USHBP1: variants seen among roughly 807,000 people sequenced by gnomAD.
USHBP1 encodes the protein USH1 protein network component harmonin binding protein 1, also known as harmonin-binding protein USHBP1.
Under a neutral mutation model 76.2 loss-of-function variants are expected in USHBP1, and 67 were observed. The observed-to-expected ratio is 0.88, with a 90% CI of 0.72 to 1.08. The LOEUF is 1.08. Among genes scored for constraint, USHBP1 ranks in the 50% least tolerant of loss-of-function variants. The pLI is 0.00. For synonymous variants in USHBP1, 322 were observed against 362.2 expected, an observed-to-expected ratio of 0.89 and a Z score of 1.26; for missense variants, 931 against 915.0, an observed-to-expected ratio of 1.02 and a Z score of -0.23.
At chr19:17,254,890 C>T (rs931588794) in intron 10 of USHBP1, among the ~76,000 whole-genome samples, 1 of 151,916 alleles carries the variant, frequency 6.6e-6, no homozygotes, top group Non-Finnish European at 1.5e-5. Context: ...TACAGGAGGT[C>T]GAGGACTTTA....
intron 9 of USHBP1, 57 bp downstream of exon 9, chr19:17,256,414 G>A: frequency 6.2e-7 from 1 of 1,601,056 alleles, no homozygotes; most frequent in Non-Finnish European, 8.5e-7. Flanking sequence ...CCCGACCTCA[G>A]TAAAGGATTT....
chr19:17,252,848 C>T (rs1341462636), intron 10 of USHBP1, among the ~76,000 whole-genome samples: 1 of 151,412 alleles, frequency 6.6e-6, no homozygotes, highest in East Asian at 1.9e-4. Flanking sequence ...GATCGCAGCA[C>T]TGCACTCTAG....
chr19:17,253,278 G>A (rs1257246841), intron 10 of USHBP1, among the ~76,000 whole-genome samples: 1 of 144,356 alleles, frequency 6.9e-6, no homozygotes, highest in East Asian at 2.1e-4. Flanking sequence ...ATCGTGCCCG[G>A]ACAGTAATAA....
chr19:17,264,590 T>G (rs2073730688), intron 1 of USHBP1, 81 bp downstream of exon 1: 6 of 467,014 alleles, frequency 1.3e-5, no homozygotes. Context: ...ACTTTCCTCC[T>G]CTATTTGAGC....
chr19:17,261,072 T>C (rs1472262902), intron 4 of USHBP1, among the ~76,000 whole-genome samples: 1 of 152,132 alleles, frequency 6.6e-6, no homozygotes, highest in Non-Finnish European at 1.5e-5. Flanking sequence ...GCGTCGAGCA[T>C]GCCCCTCCTC....
Position 17,255,273 on chromosome 19 carries a change from C to T in USHBP1, c.1692+112G>A, listed in dbSNP as rs2073603534. 2.4e-6 allele frequency: 3 copies of T among 1,235,760 alleles called. No homozygotes were observed. In the East Asian group the frequency reaches 7.4e-5, roughly 30 times the overall value. The allele number at this position is 1,235,760 out of a possible 1,614,324, so 76.5% of individuals were successfully genotyped here. On this transcript the variant is annotated intron_variant, in intron 10 of 12. Coordinates refer to ENST00000252597, the MANE Select transcript of USHBP1 (RefSeq NM_031941.4). ...CAACATTGCATTCCAGCCTGGGCAA[C>T]AAGAGCCAAACTCCGTCTCAAAAAA...
intron 8 of USHBP1, 122 bp from the exon 9 acceptor site, chr19:17,256,842 C>T: frequency 7.1e-7 from 1 of 1,412,956 alleles, no homozygotes; most frequent in East Asian, 2.3e-5. Flanking sequence ...TCTATGCCAT[C>T]TTTGGTGGTC....
At chr19:17,259,478 G>C (rs1172639945) in intron 6 of USHBP1, 49 bp from the exon 7 acceptor site, 1 of 1,610,804 alleles carries the variant, frequency 6.2e-7, no homozygotes, top group Admixed American at 1.7e-5. Context: ...TTCTAAGGCA[G>C]TCAGGCCTCA....
In USHBP1 at chr19:17,264,344, A is replaced by G. The variant is rs558242797; in HGVS notation, c.-45T>C. On this transcript the variant is annotated 5_prime_UTR_variant, in exon 2 of 13. Coordinates refer to ENST00000252597, the MANE Select transcript of USHBP1 (RefSeq NM_031941.4). Reference sequence around the variant, plus strand: ...CCCTCTGAATGCTTCTCCTTCGTCAACCCCTAAAACCACAGCCTGCCATGA... The same window carrying G: ...CCCTCTGAATGCTTCTCCTTCGTCAGCCCCTAAAACCACAGCCTGCCATGA... The G allele has an allele frequency of 1.8e-5, 28 of 1,560,796 alleles. No individual in the cohort carries two copies. In the South Asian group the frequency reaches 2.9e-4, roughly 16 times the overall value.
chr19:17,255,068 G>A (rs956388425), intron 10 of USHBP1, among the ~76,000 whole-genome samples: 2 of 152,074 alleles, frequency 1.3e-5, no homozygotes, highest in African/African-American at 4.8e-5. Flanking sequence ...TTTGAGGCCA[G>A]GAGTTCGAGA....
chr19:17,264,144 G>C lies in USHBP1; in HGVS notation c.61C>G (p.Leu21Val). ...TCTGAACTCTCAGCCACGGGATCCA[G>C]TTCACCCTGCAAATGACCCCCGGGG... ...RRGRHAPPGE[L>V]DPVAESSEEV... The change falls in exon 3 of 13, where the codon CTG (leucine) becomes GTG (valine). Residue 21 changes from leucine (L) to valine (V), a missense_variant. Transcript: ENST00000252597. 7 of 1,613,526 alleles carry C rather than the reference G, an allele frequency of 4.3e-6. No homozygotes were observed. The highest frequency in any genetic ancestry group is 5.1e-6 in the Non-Finnish European group (6 of 1,179,664).
At chr19:17,252,556 G>A (rs1568322507) in intron 10 of USHBP1, among the ~76,000 whole-genome samples, 1 of 151,880 alleles carries the variant, frequency 6.6e-6, no homozygotes, top group Non-Finnish European at 1.5e-5. Context: ...GTGAAACCCT[G>A]TCTCTACTAA....
At chr19:17,261,999 ATTTTT>A (rs33975731) in intron 4 of USHBP1, among the ~76,000 whole-genome samples, 1 of 124,474 alleles carries the variant, frequency 8.0e-6, no homozygotes. Flanking sequence ...AACCTGGCTG[ATTTTT>A]TTTTTTTTTT....
At chr19:17,261,544 C>G (rs181798901) in intron 4 of USHBP1, among the ~76,000 whole-genome samples, 56 of 151,686 alleles carry the variant, frequency 3.7e-4, no homozygotes, top group African/African-American at 1.3e-3. Flanking sequence ...CCGTGTTAGC[C>G]AGGATGGTCT....
rs34349584 is a variant in USHBP1, at chr19:17,262,763, G to A, written c.431C>T (p.Ser144Phe). 6.2e-7 allele frequency: 1 copy of A among 1,614,218 alleles called. No individual in the cohort carries two copies. Among genetic ancestry groups the A allele is most frequent in the Non-Finnish European group, 8.5e-7 (1 of 1,180,032 alleles). The change falls in exon 4 of 13, where the codon TCT (serine) becomes TTT (phenylalanine). Residue 144 changes from serine to phenylalanine, a missense_variant. Physicochemically the swap from Ser to Phe is radical, Grantham distance 155. Transcript: ENST00000252597. ...TGTGCCTTCGAACTCCATCGGCCCAGAATGGCTGGGGGGCTGGTGGCGCCA... is the reference window on the plus strand; with the variant it reads ...TGTGCCTTCGAACTCCATCGGCCCAAAATGGCTGGGGGGCTGGTGGCGCCA... ...AAWRHQPPSH[S>F]GPMEFEGTSE...
At chr19:17,260,960 T>C (rs1381242634) in intron 4 of USHBP1, among the ~76,000 whole-genome samples, 2 of 152,180 alleles carry the variant, frequency 1.3e-5, no homozygotes, top group South Asian at 2.1e-4. Context: ...TCTCCACTTC[T>C]ACAACCTCCA....
At chr19:17,253,228 A>G (rs1292598464) in intron 10 of USHBP1, among the ~76,000 whole-genome samples, 5 of 151,836 alleles carry the variant, frequency 3.3e-5, no homozygotes, top group African/African-American at 1.2e-4. Flanking sequence ...TCGGCCTCCC[A>G]AAGTGCTAAG....
chr19:17,260,705 G>T (rs2073676394), intron 4 of USHBP1, among the ~76,000 whole-genome samples: 1 of 152,120 alleles, frequency 6.6e-6, no homozygotes, highest in Non-Finnish European at 1.5e-5. Flanking sequence ...TCTCCTCTGA[G>T]CCCTGGACTC....
Position 17,250,129 on chromosome 19 carries a change from C to A in USHBP1, c.*96G>T. Reference sequence around the variant, plus strand: ...TTCCCTCACGCCAAATGTGCCCCAACATGCCAAATCATGCAACATGACATG... The same window carrying A: ...TTCCCTCACGCCAAATGTGCCCCAAAATGCCAAATCATGCAACATGACATG... On this transcript the variant is annotated 3_prime_UTR_variant, in exon 13 of 13. Transcript: ENST00000252597. 2.1e-6 allele frequency: 3 copies of A among 1,426,576 alleles called. No homozygotes were observed. Among genetic ancestry groups the A allele is most frequent in the East Asian group, 5.1e-5 (2 of 39,330 alleles). The allele number at this position is 1,426,576 out of a possible 1,614,324, so 88.4% of individuals were successfully genotyped here. A position where few individuals can be genotyped will look rare whatever the true frequency, so the allele number is the denominator to read the frequency against.
Sources: allele counts gnomAD v4.1 joint callset (sites outside exome capture counted in the v4.1 genomes callset), GRCh38; gene constraint gnomAD v4.1.1; transcripts MANE v1.5; gene names NCBI Gene and HGNC (gene_info 2026-07-23, HGNC 2026-07-21).